Variants in CAPN1 observed in about 807,000 individuals in gnomAD.
CAPN1 encodes the protein calpain 1.
Under a neutral mutation model 105.2 loss-of-function variants are expected in CAPN1, and 77 were observed. That is an observed-to-expected ratio of 0.73 (90% CI 0.61 to 0.88). The LOEUF is 0.88. Ranked by LOEUF, CAPN1 falls within the 40% of genes least tolerant of loss-of-function variation. CAPN1 has a pLI of 0.00. For synonymous variants in CAPN1, 355 were observed against 388.8 expected, an observed-to-expected ratio of 0.91 and a Z score of 1.02; for missense variants, 833 against 976.6, an observed-to-expected ratio of 0.85 and a Z score of 1.96.
At position 65,209,583 on chromosome 11, in the gene CAPN1, C is replaced by G. The variant is rs368804373; in HGVS notation, c.1794+196C>G. On this transcript the variant is annotated intron_variant, in intron 17 of 21. Coordinates refer to ENST00000279247, the MANE Select transcript of CAPN1 (RefSeq NM_005186.4). The surrounding 1 kb of genome is among the most constrained non-coding windows in gnomAD (Gnocchi z 4.1). ...GAGAAACTGAGGCACAGACCTGTGT[C>G]AAGTGAAAGGTGGAGCAAGACCTGG... is the stretch of plus-strand genomic sequence containing the variant. 1.5e-6 allele frequency: 1 copy of G among 649,922 alleles called. No homozygotes were observed. 40.3% of individuals were successfully genotyped at this position (649,922 alleles called of 1,614,324 possible).
At chr11:65,199,055 G>A (rs758256829) in intron 10 of CAPN1, among the ~76,000 whole-genome samples, 16 of 152,016 alleles carry the variant, frequency 1.1e-4, no homozygotes, top group African/African-American at 2.7e-4. Flanking sequence ...GGCTAGTCTC[G>A]AACACCTGGC....
intron 10 of CAPN1, among the ~76,000 whole-genome samples, chr11:65,198,739 A>G (rs1274900793): frequency 6.6e-6 from 1 of 152,268 alleles, no homozygotes; most frequent in East Asian, 1.9e-4. Flanking sequence ...CTTTTTGAGC[A>G]GGCTTGATCT....
intron 10 of CAPN1, 24 bp from the exon 11 acceptor site, chr11:65,204,659 C>T: frequency 6.3e-7 from 1 of 1,599,918 alleles, no homozygotes; most frequent in South Asian, 1.1e-5. Flanking sequence ...TGCCTCTGAT[C>T]CCCGCCTCCT....
intron 6 of CAPN1, among the ~76,000 whole-genome samples, chr11:65,186,926 A>C (rs980716499): frequency 4.5e-4 from 68 of 152,192 alleles, no homozygotes; most frequent in African/African-American, 1.5e-3. Flanking sequence ...GTGTGTGCAC[A>C]TGCATGTTCG....
intron 7 of CAPN1, 71 bp downstream of exon 7, chr11:65,187,369 C>A: frequency 9.6e-7 from 1 of 1,040,702 alleles, no homozygotes; most frequent in Non-Finnish European, 1.5e-6. Flanking sequence ...CTCTCTGGCA[C>A]CTGACCAGGG....
In CAPN1 at chr11:65,183,487, C is replaced by T. The variant is rs1175176870; in HGVS notation, c.351C>T (p.Leu117=). The change falls in exon 4 of 22, where the codon CTC becomes CTT. Residue 117 remains leucine, a synonymous_variant. Coordinates refer to ENST00000279247, the MANE Select transcript of CAPN1 (RefSeq NM_005186.4). ...CTCCTGCCCCAGGGGACTGCTGGCT[C>T]TTGGCGGCCATCGCCTCCCTCACTC... The part of the protein sequence containing the change: ...ICQGALGDCW[L]LAAIASLTLN... The T allele has an allele frequency of 1.9e-6, 3 of 1,613,318 alleles. No homozygotes were observed. The African/African-American group carries it at 4.0e-5, about 22-fold the overall frequency.
At chr11:65,193,147 ATTT>A (rs762975839) in intron 10 of CAPN1, among the ~76,000 whole-genome samples, 1 of 129,350 alleles carries the variant, frequency 7.7e-6, no homozygotes, top group Non-Finnish European at 1.7e-5. Context: ...CGCCTGGCTA[ATTT>A]TTTTTTTTTT....
chr11:65,207,972 G>A (rs1307711684), intron 14 of CAPN1, 83 bp from the exon 15 acceptor site: 1 of 945,356 alleles, frequency 1.1e-6, no homozygotes, highest in African/African-American at 1.7e-5. Context: ...TAGCAGATAT[G>A]TGACCTCAGC....
chr11:65,210,796 C>CT lies in CAPN1; in HGVS notation c.2060-14dup. The CT allele has an allele frequency of 6.2e-7, 1 of 1,610,514 alleles. No individual in the cohort carries two copies. ...CACTGAGTTTTCAGCCCTGTATCAC[C>CT]TTTTCTTGAACACACAGGATTTTTC... On this transcript the variant is annotated splice_polypyrimidine_tract_variant and intron_variant, in intron 20 of 21. Coordinates refer to ENST00000279247, the MANE Select transcript of CAPN1 (RefSeq NM_005186.4). The surrounding 1 kb of genome is among the most constrained non-coding windows in gnomAD (Gnocchi z 4.3).
intron 10 of CAPN1, among the ~76,000 whole-genome samples, chr11:65,195,753 GAGTT>G (rs748173678): frequency 1.3e-5 from 2 of 152,134 alleles, no homozygotes; most frequent in Non-Finnish European, 2.9e-5. Flanking sequence ...CTCCTGGGAT[GAGTT>G]AGGAAGTGTC....
At chr11:65,183,774 G>A (rs773743448) in intron 4 of CAPN1, 182 bp downstream of exon 4, 11 of 577,380 alleles carry the variant, frequency 1.9e-5, no homozygotes, top group Non-Finnish European at 3.4e-5. Flanking sequence ...CAGGTATTTC[G>A]GCTGGCAGTT....
At chr11:65,207,688 G>A (rs1432258053) in intron 14 of CAPN1, among the ~76,000 whole-genome samples, 18 of 151,604 alleles carry the variant, frequency 1.2e-4, no homozygotes, top group African/African-American at 3.4e-4. Context: ...TGAGGCGGGC[G>A]GATAACCTGA....
chr11:65,194,992 T>A (rs1324639437), intron 10 of CAPN1, among the ~76,000 whole-genome samples: 1 of 152,184 alleles, frequency 6.6e-6, no homozygotes, highest in Non-Finnish European at 1.5e-5. Flanking sequence ...ACCAACAACA[T>A]GTGAGGGTTC....
chr11:65,194,376 T>C (rs1948762382), intron 10 of CAPN1, among the ~76,000 whole-genome samples: 1 of 152,256 alleles, frequency 6.6e-6, no homozygotes, highest in African/African-American at 2.4e-5. Context: ...TCCTTTTAAG[T>C]ACATCGTTAA....
intron 10 of CAPN1, among the ~76,000 whole-genome samples, chr11:65,190,609 C>T (rs1004938091): frequency 3.3e-5 from 5 of 152,202 alleles, no homozygotes; most frequent in Non-Finnish European, 7.3e-5. Flanking sequence ...CTGCCGATAA[C>T]ACATTGAATC....
chr11:65,200,740 A>C (rs1170022704), intron 10 of CAPN1, among the ~76,000 whole-genome samples: 3 of 151,310 alleles, frequency 2.0e-5, no homozygotes, highest in Non-Finnish European at 4.4e-5. Context: ...TTCTGGGCTC[A>C]AACTATCCTC....
chr11:65,209,692 G>T lies in CAPN1; in HGVS notation c.1795-157G>T. ...CAGCCCAGCTCAGAGAATAAGGCAA[G>T]CCCGGCTGTGGGCTGACTGTACATG... On this transcript the variant is annotated intron_variant, in intron 17 of 21. Transcript: ENST00000279247. This position sits in a 1 kb window ranked among gnomAD's most constrained non-coding sequence, Gnocchi z 4.1. 1 of 743,142 alleles carries T rather than the reference G, an allele frequency of 1.3e-6. No homozygotes were observed. Among genetic ancestry groups the T allele is most frequent in the Non-Finnish European group, 2.3e-6 (1 of 441,150 alleles). The allele number at this position is 743,142 out of a possible 1,614,324, so 46.0% of individuals were successfully genotyped here.
At chr11:65,201,598 A>C (rs1287842464) in intron 10 of CAPN1, among the ~76,000 whole-genome samples, 5 of 151,850 alleles carry the variant, frequency 3.3e-5, no homozygotes, top group Non-Finnish European at 7.4e-5. Context: ...GCTCACTGCA[A>C]GCTCCGCCTC....
At chr11:65,205,059 A>G (rs1208944643) in intron 11 of CAPN1, among the ~76,000 whole-genome samples, 2 of 152,192 alleles carry the variant, frequency 1.3e-5, no homozygotes, top group African/African-American at 4.8e-5. Flanking sequence ...TCTGGCCGAA[A>G]GAGAGGAAGG....
Sources: gnomAD v4.1 joint callset for allele counts (sites outside exome capture counted in the v4.1 genomes callset) on GRCh38, gnomAD v4.1.1 for gene constraint, Gnocchi (gnomAD v3.1) non-coding constraint, MANE v1.5 for transcripts, NCBI Gene and HGNC (gene_info 2026-07-23, HGNC 2026-07-21) for gene names.